Variants in GRHL2 observed in about 807,000 individuals in gnomAD.
GRHL2 encodes the protein grainyhead-like protein 2 homolog.
Under a neutral mutation model 83.8 loss-of-function variants are expected in GRHL2, and 21 were observed. The ratio of observed to expected loss-of-function variants is 0.25; its 90% CI spans 0.18 to 0.36. The LOEUF is 0.36. Ranked by LOEUF, GRHL2 falls within the 10% of genes least tolerant of loss-of-function variation. The pLI is 1.00. For missense variants in GRHL2, 623 were observed against 781.8 expected (o/e 0.80, Z 2.42); for synonymous variants, 280 against 278.9 (o/e 1.00, Z -0.04).
At chr8:101,591,255 A>G (rs1198081324) in intron 7 of GRHL2, among the ~76,000 whole-genome samples, 1 of 152,228 alleles carries the variant, frequency 6.6e-6, no homozygotes, top group Non-Finnish European at 1.5e-5. Flanking sequence ...ACTTTCACAC[A>G]TCCTCAGCAG....
At chr8:101,603,244 C>G (rs1477688621) in intron 8 of GRHL2, among the ~76,000 whole-genome samples, 1 of 152,118 alleles carries the variant, frequency 6.6e-6, no homozygotes, top group African/African-American at 2.4e-5. Context: ...AAAGCCATGG[C>G]AGCATCATTG....
chr8:101,627,856 C>G (rs1813110075), intron 9 of GRHL2, among the ~76,000 whole-genome samples: 1 of 152,150 alleles, frequency 6.6e-6, no homozygotes, highest in African/African-American at 2.4e-5. Context: ...CCACAACATT[C>G]CCTTAGGCCA....
At chr8:101,623,472 GGACAGTTCACAGTAA>G (rs1280238857) in intron 9 of GRHL2, among the ~76,000 whole-genome samples, 1 of 146,032 alleles carries the variant, frequency 6.8e-6, no homozygotes, top group African/African-American at 2.8e-5. Context: ...GTACACAGTA[GGACAGTTCACAGTAA>G]GACAGTTCAC....
intron 9 of GRHL2, among the ~76,000 whole-genome samples, chr8:101,629,936 T>G (rs1273674465): frequency 6.6e-6 from 1 of 152,148 alleles, no homozygotes; most frequent in Non-Finnish European, 1.5e-5. Context: ...TGCTGTGAAT[T>G]TCCATGATCT....
chr8:101,602,359 C>T (rs1812534750), intron 8 of GRHL2, among the ~76,000 whole-genome samples: 1 of 152,176 alleles, frequency 6.6e-6, no homozygotes, highest in Admixed American at 6.5e-5. Flanking sequence ...GGAGCAGTTG[C>T]ATTTGCATTC....
intron 14 of GRHL2, among the ~76,000 whole-genome samples, chr8:101,656,873 G>GACACACACACACACACACACAC (rs35693999): frequency 0.011 from 1,644 of 147,326 alleles, 21 homozygotes; most frequent in Middle Eastern, 0.024. Flanking sequence ...GTGTCTAACA[G>GACACACACACACACACACACAC]ACACACACAC....
chr8:101,537,492 C>T (rs934248690), intron 1 of GRHL2, among the ~76,000 whole-genome samples: 2 of 152,186 alleles, frequency 1.3e-5, no homozygotes, highest in East Asian at 1.9e-4. Context: ...GACCTGAAAA[C>T]AGTCCATTGG....
At chr8:101,583,073 G>T (rs1719213479) in intron 7 of GRHL2, among the ~76,000 whole-genome samples, 1 of 152,202 alleles carries the variant, frequency 6.6e-6, no homozygotes, top group Admixed American at 6.5e-5. Flanking sequence ...AGACAGTGGA[G>T]AATGTGCGGA....
chr8:101,650,796 G>A (rs1403111856), intron 14 of GRHL2, among the ~76,000 whole-genome samples: 4 of 141,626 alleles, frequency 2.8e-5, no homozygotes, highest in Admixed American at 2.1e-4. Flanking sequence ...TTAAAATGGT[G>A]AATTGTGATA....
chr8:101,662,271 G>A (rs1813937856), intron 14 of GRHL2, among the ~76,000 whole-genome samples: 1 of 152,198 alleles, frequency 6.6e-6, no homozygotes. Flanking sequence ...TGGCTCAGGT[G>A]TGACTGTGAG....
chr8:101,612,698 A>G (rs985402117), intron 8 of GRHL2, among the ~76,000 whole-genome samples: 4 of 151,004 alleles, frequency 2.6e-5, no homozygotes, highest in African/African-American at 9.9e-5. Context: ...TGCTCTTAGG[A>G]GGTATTGTTT....
intron 13 of GRHL2, among the ~76,000 whole-genome samples, chr8:101,648,329 C>T (rs1463506601): frequency 2.6e-5 from 4 of 152,128 alleles, no homozygotes; most frequent in Admixed American, 2.6e-4. Flanking sequence ...CAAGACTTCC[C>T]TATCATCTCT....
At chr8:101,531,082 T>G (rs1810915623) in intron 1 of GRHL2, among the ~76,000 whole-genome samples, 1 of 151,828 alleles carries the variant, frequency 6.6e-6, no homozygotes, top group Non-Finnish European at 1.5e-5. Context: ...ATAAAAAAAT[T>G]AGTCAGGCAT....
intron 1 of GRHL2, among the ~76,000 whole-genome samples, chr8:101,541,137 A>G (rs1320404541): frequency 7.2e-6 from 1 of 138,938 alleles, no homozygotes; most frequent in African/African-American, 2.6e-5. Context: ...ATGGCTGAGT[A>G]CTATTTCATG....
intron 11 of GRHL2, among the ~76,000 whole-genome samples, chr8:101,634,821 T>C (rs963346706): frequency 1.3e-5 from 2 of 152,154 alleles, no homozygotes; most frequent in Non-Finnish European, 1.5e-5. Context: ...GATTCACTTG[T>C]GGATTGAAAT....
In GRHL2 at chr8:101,625,919, A is replaced by G. The variant is rs867753569; in HGVS notation, c.1258-5718A>G. 3.9e-5 allele frequency among the ~76,000 whole-genome samples: 6 copies of G among 152,108 alleles called. No homozygotes were observed. In the Middle Eastern group the frequency reaches 0.017, roughly 431 times the overall value. The stretch of plus-strand genomic sequence containing the variant: ...GGGGATGTCAGGAAAATCATAAGGA[A>G]GAAATCTCACGAGTCCTGCAGGGTG... On this transcript the variant is annotated intron_variant, in intron 9 of 15. Transcript: ENST00000646743.
At chr8:101,671,931 C>A (rs552419720), downstream of GRHL2, among the ~76,000 whole-genome samples, 5 of 152,158 alleles carry the variant, frequency 3.3e-5, no homozygotes, top group African/African-American at 7.2e-5. Flanking sequence ...GCTGCTGATA[C>A]CCAGGCAAAC....
intron 10 of GRHL2, 129 bp from the exon 11 acceptor site, chr8:101,632,082 GGTGGTGGGAGGTGTT>G: frequency 1.2e-6 from 1 of 867,708 alleles, no homozygotes; most frequent in Non-Finnish European, 1.9e-6. Context: ...GCTGGGATGA[GGTGGTGGGAGGTGTT>G]GAAGTGTGTT....
intron 5 of GRHL2, among the ~76,000 whole-genome samples, chr8:101,572,703 TAAAC>T (rs908991217): frequency 6.6e-6 from 1 of 152,218 alleles, no homozygotes; most frequent in African/African-American, 2.4e-5. Flanking sequence ...ATGAATGTGT[TAAAC>T]AAAAAATGAT....
Sources: gnomAD v4.1 joint callset for allele counts (sites outside exome capture counted in the v4.1 genomes callset) on GRCh38, gnomAD v4.1.1 for gene constraint, MANE v1.5 for transcripts, NCBI Gene and HGNC (gene_info 2026-07-23, HGNC 2026-07-21) for gene names.